Variants in XKR9 observed in about 807,000 individuals in gnomAD.
The protein encoded by XKR9 is XK related 9.
A neutral mutation model predicts 32.0 loss-of-function variants in XKR9; 32 were observed. The ratio of observed to expected loss-of-function variants is 1.00; its 90% CI spans 0.76 to 1.34. The LOEUF (loss-of-function observed/expected upper bound fraction) is 1.34, where lower values mean the gene tolerates loss of function less well. Among genes scored for constraint, XKR9 ranks in the 40% most tolerant of loss-of-function variants. The pLI, the probability that XKR9 is intolerant of heterozygous loss-of-function variation, is 0.00. For synonymous variants in XKR9, 168 were observed against 143.4 expected, an observed-to-expected ratio of 1.17 and a Z score of -1.22; for missense variants, 546 against 429.7, an observed-to-expected ratio of 1.27 and a Z score of -2.39.
the XKR9 span, among the ~76,000 whole-genome samples, chr8:70,809,343 A>G: frequency 6.6e-6 from 1 of 152,146 alleles, no homozygotes; most frequent in Non-Finnish European, 1.5e-5. Flanking sequence ...CAAACATGGG[A>G]AAAAAACAGA....
downstream of XKR9, among the ~76,000 whole-genome samples, chr8:70,791,857 T>A (rs1291398875): frequency 6.6e-6 from 1 of 152,154 alleles, no homozygotes; most frequent in African/African-American, 2.4e-5. Context: ...TAGGGTTTAC[T>A]AAGTCTCAGT....
At chr8:70,716,799 G>T (rs1202843121) in intron 4 of XKR9, among the ~76,000 whole-genome samples, 4 of 152,066 alleles carry the variant, frequency 2.6e-5, no homozygotes, top group African/African-American at 7.2e-5. Flanking sequence ...GCTCATCCCA[G>T]CTTTAACCTA....
At chr8:70,937,473 T>C in the XKR9 span, among the ~76,000 whole-genome samples, 1 of 151,970 alleles carries the variant, frequency 6.6e-6, no homozygotes, top group East Asian at 1.9e-4. Flanking sequence ...ATAGCCAAGT[T>C]TGTGAAGCCT....
At chr8:70,760,833 T>C (rs1424799670) in intron 2 of XKR9, among the ~76,000 whole-genome samples, 1 of 152,134 alleles carries the variant, frequency 6.6e-6, no homozygotes, top group African/African-American at 2.4e-5. Flanking sequence ...CTAGTATCCA[T>C]TGGTTATTTT....
At position 70,733,977 on chromosome 8, in the gene XKR9, C is replaced by A. The variant is rs147423226; in HGVS notation, c.675C>A (p.Phe225Leu). ...TGCTGAGTGTTGTACTTCTACTATT[C>A]TTAAATGTTAAGATTGCTTTATTTC... ...SWMLSVVLLL[F>L]LNVKIALFLL... The change falls in exon 5 of 5, where the codon TTC becomes TTA. Residue 225 changes from phenylalanine (F) to leucine (L), a missense_variant. Transcript: ENST00000408926. The A allele has an allele frequency of 2.0e-5, 32 of 1,611,978 alleles. No homozygotes were observed. The highest frequency in any genetic ancestry group is 2.7e-5 in the Non-Finnish European group (32 of 1,179,464).
the XKR9 span, among the ~76,000 whole-genome samples, chr8:70,838,043 G>T: frequency 2.0e-5 from 3 of 152,034 alleles, no homozygotes; most frequent in Non-Finnish European, 4.4e-5. Flanking sequence ...GTTACCATTA[G>T]TGGCAAAAGT....
At chr8:70,900,494 C>T in the XKR9 span, among the ~76,000 whole-genome samples, 1 of 151,898 alleles carries the variant, frequency 6.6e-6, no homozygotes, top group Non-Finnish European at 1.5e-5. Flanking sequence ...GAGTCTGAGG[C>T]AGGAGAATCG....
intron 2 of XKR9, among the ~76,000 whole-genome samples, chr8:70,745,561 TTAGG>T (rs553672994): frequency 1.3e-5 from 2 of 152,284 alleles, no homozygotes; most frequent in African/African-American, 4.8e-5. Flanking sequence ...TTAGTAGGCA[TTAGG>T]TAGGGCTTGA....
intron 3 of XKR9, among the ~76,000 whole-genome samples, chr8:70,698,454 T>C (rs1805377574): frequency 2.0e-5 from 3 of 152,198 alleles, no homozygotes; most frequent in South Asian, 2.1e-4. Context: ...CCAGTAGTCA[T>C]TCAGGAGCAG....
the XKR9 span, among the ~76,000 whole-genome samples, chr8:71,055,303 A>C: frequency 6.6e-6 from 1 of 152,230 alleles, no homozygotes. Flanking sequence ...TTGGTTGAAA[A>C]TACAAGGATA....
the XKR9 span, among the ~76,000 whole-genome samples, chr8:70,815,856 G>A: frequency 1.3e-5 from 2 of 152,020 alleles, no homozygotes; most frequent in African/African-American, 2.4e-5. Context: ...TTATTCTGTG[G>A]TATATGCGCA....
At chr8:70,899,707 A>G in the XKR9 span, among the ~76,000 whole-genome samples, 6 of 152,128 alleles carry the variant, frequency 3.9e-5, no homozygotes, top group African/African-American at 1.4e-4. Flanking sequence ...TTTTGGCTGT[A>G]AGTGTCACCA....
intron 4 of XKR9, among the ~76,000 whole-genome samples, chr8:70,714,465 T>C (rs1482564235): frequency 6.6e-6 from 1 of 151,988 alleles, no homozygotes; most frequent in Non-Finnish European, 1.5e-5. Context: ...GGCTCTAGAT[T>C]TGATGATTTT....
the XKR9 span, among the ~76,000 whole-genome samples, chr8:70,925,518 A>C: frequency 6.6e-6 from 1 of 152,212 alleles, no homozygotes; most frequent in African/African-American, 2.4e-5. Context: ...AATGTTTACA[A>C]ACATAACACT....
chr8:70,754,411 C>T (rs969350694), intron 2 of XKR9, among the ~76,000 whole-genome samples: 10 of 127,434 alleles, frequency 7.8e-5, no homozygotes, highest in African/African-American at 2.5e-4. Context: ...TTGGAAAAAA[C>T]TACTTTAAAG....
intron 4 of XKR9, among the ~76,000 whole-genome samples, chr8:70,713,380 A>G (rs1563442029): frequency 6.6e-6 from 1 of 152,174 alleles, no homozygotes; most frequent in East Asian, 1.9e-4. Flanking sequence ...TTGAAAAGTT[A>G]GTCACTCAAA....
At chr8:70,815,818 C>A in the XKR9 span, among the ~76,000 whole-genome samples, 1 of 152,082 alleles carries the variant, frequency 6.6e-6, no homozygotes, top group East Asian at 1.9e-4. Context: ...AGCTACTGCA[C>A]CCGGCCCTCA....
chr8:70,813,382 C>T, the XKR9 span, among the ~76,000 whole-genome samples: 4 of 152,180 alleles, frequency 2.6e-5, no homozygotes, highest in African/African-American at 7.2e-5. Flanking sequence ...TAGGCATGCG[C>T]AAGGTCTTCA....
intron 2 of XKR9, among the ~76,000 whole-genome samples, chr8:70,757,475 A>T (rs916614474): frequency 7.2e-5 from 11 of 152,120 alleles, no homozygotes; most frequent in East Asian, 3.9e-4. Context: ...GTTCCTTTTT[A>T]AAAAAATTTC....
Sources: allele counts gnomAD v4.1 joint callset (sites outside exome capture counted in the v4.1 genomes callset), GRCh38; gene constraint gnomAD v4.1.1; transcripts MANE v1.5; gene names NCBI Gene and HGNC (gene_info 2026-07-23, HGNC 2026-07-21).